Variants in EML4 observed in about 807,000 individuals in gnomAD.
EML4 encodes the protein EMAP like 4, also known as echinoderm microtubule-associated protein-like 4.
A neutral mutation model predicts 129.0 loss-of-function variants in EML4; 72 were observed. The ratio of observed to expected loss-of-function variants is 0.56; its 90% CI spans 0.46 to 0.68. The LOEUF is 0.68. EML4 is among the 30% of genes least tolerant of loss of function. The probability of loss-of-function intolerance (pLI) is 0.00; values close to 1 mark genes in which losing one functional copy is unlikely to be tolerated. For synonymous variants in EML4, 532 were observed against 405.0 expected, an observed-to-expected ratio of 1.31 and a Z score of -3.77; for missense variants, 1,363 against 1,190.6, an observed-to-expected ratio of 1.14 and a Z score of -2.13.
intron 1 of EML4, among the ~76,000 whole-genome samples, chr2:42,193,894 T>A (rs1334103857): frequency 6.6e-6 from 1 of 152,104 alleles, no homozygotes; most frequent in South Asian, 2.1e-4. Context: ...CTATGTTGCC[T>A]GTACTGTCTG....
chr2:42,304,269 C>G (rs1668467553), intron 16 of EML4, among the ~76,000 whole-genome samples: 1 of 152,204 alleles, frequency 6.6e-6, no homozygotes, highest in African/African-American at 2.4e-5. Flanking sequence ...TAGCCACAAG[C>G]TGGTTGTCCC....
intron 1 of EML4, among the ~76,000 whole-genome samples, chr2:42,234,308 C>G (rs1179097497): frequency 6.6e-5 from 10 of 152,200 alleles, no homozygotes; most frequent in Non-Finnish European, 1.5e-5. Flanking sequence ...ATCTAGAGAG[C>G]TGAGATTTGC....
At chr2:42,193,522 A>G (rs1411008221) in intron 1 of EML4, among the ~76,000 whole-genome samples, 1 of 152,240 alleles carries the variant, frequency 6.6e-6, no homozygotes, top group Non-Finnish European at 1.5e-5. Flanking sequence ...TCTTAGGGCC[A>G]AACCCAATCT....
intron 5 of EML4, among the ~76,000 whole-genome samples, chr2:42,264,118 T>TTG (rs1171678993): frequency 3.0e-5 from 4 of 135,422 alleles, no homozygotes; most frequent in East Asian, 2.1e-4. Context: ...TTTTTTTTTT[T>TTG]TTTTTTTTTT....
intron 6 of EML4, among the ~76,000 whole-genome samples, chr2:42,273,648 A>G (rs1471979750): frequency 6.6e-6 from 1 of 151,660 alleles, no homozygotes; most frequent in East Asian, 2.0e-4. Context: ...AATAGAAGAA[A>G]AAAATTAAAG....
chr2:42,239,533 T>G (rs1227974501), intron 1 of EML4, among the ~76,000 whole-genome samples: 2 of 152,236 alleles, frequency 1.3e-5, no homozygotes, highest in Non-Finnish European at 2.9e-5. Flanking sequence ...GGTAAATAGA[T>G]CAGACTGATA....
At chr2:42,293,495 A>C (rs1667769942) in intron 11 of EML4, among the ~76,000 whole-genome samples, 1 of 152,220 alleles carries the variant, frequency 6.6e-6, no homozygotes, top group Non-Finnish European at 1.5e-5. Flanking sequence ...ACTCATGGAA[A>C]TATTGGAACT....
In EML4 at chr2:42,202,496, A is replaced by G. The variant is rs1178019079; in HGVS notation, c.25+32860A>G. Among the ~76,000 whole-genome samples the G allele has an allele frequency of 7.2e-5, 11 of 152,232 alleles. No homozygotes were observed. The East Asian group carries it at 1.9e-3, about 27-fold the overall frequency. On this transcript the variant is annotated intron_variant, in intron 1 of 22. Coordinates refer to ENST00000318522, the MANE Select transcript of EML4 (RefSeq NM_019063.5). Reference sequence around the variant, plus strand: ...AAAGGGAGTTTATTAAGGAATATTGACTCACATGATCACAAAGTGAGGTTT... The same window carrying G: ...AAAGGGAGTTTATTAAGGAATATTGGCTCACATGATCACAAAGTGAGGTTT...
chr2:42,213,583 A>G (rs549660998), intron 1 of EML4, among the ~76,000 whole-genome samples: 3 of 152,350 alleles, frequency 2.0e-5, no homozygotes, highest in African/African-American at 4.8e-5. Context: ...TACTATTTAC[A>G]TAAGCATTCA....
intron 1 of EML4, among the ~76,000 whole-genome samples, chr2:42,183,266 A>G (rs1671051392): frequency 6.6e-6 from 1 of 152,222 alleles, no homozygotes; most frequent in Admixed American, 6.5e-5. Context: ...CAAAACAAAA[A>G]TCCCTGCTCT....
chr2:42,327,835 T>G (rs1195011158), intron 21 of EML4, among the ~76,000 whole-genome samples: 1 of 152,224 alleles, frequency 6.6e-6, no homozygotes, highest in Non-Finnish European at 1.5e-5. Flanking sequence ...AAATTAATAT[T>G]TTCTCTTTAA....
chr2:42,264,610 C>T (rs1002488053), intron 5 of EML4, 96 bp from the exon 6 acceptor site: 2 of 743,392 alleles, frequency 2.7e-6, no homozygotes, highest in African/African-American at 1.8e-5. Flanking sequence ...TAGATTATAG[C>T]CTAAGCATTA....
rs1473564046 is a variant in EML4 at position 42,304,369 on chromosome 2, A to G, written c.1900-115A>G. The G allele has an allele frequency of 5.4e-6, 4 of 741,388 alleles. No individual in the cohort carries two copies. In the East Asian group the frequency reaches 1.0e-4, roughly 18 times the overall value. The allele number at this position is 741,388 out of a possible 1,614,324, so 45.9% of individuals were successfully genotyped here. On this transcript the variant is annotated intron_variant, in intron 16 of 22. Coordinates refer to ENST00000318522, the MANE Select transcript of EML4 (RefSeq NM_019063.5). The stretch of plus-strand genomic sequence containing the variant: ...GTGTGGTATTTCTCATTAGCTACAA[A>G]GTTGATTGAAATGTTATGTTTGAAT...
At chr2:42,234,146 C>G (rs1398815547) in intron 1 of EML4, among the ~76,000 whole-genome samples, 2 of 152,190 alleles carry the variant, frequency 1.3e-5, no homozygotes, top group African/African-American at 2.4e-5. Flanking sequence ...AGTTTGTCCC[C>G]TTTTATAAAA....
rs1670001678 is a variant in EML4, at chr2:42,329,808, G to C, written c.2547G>C (p.Leu849=). 3 of 1,614,100 alleles carry C rather than the reference G, an allele frequency of 1.9e-6. No homozygotes were observed. Among genetic ancestry groups the C allele is most frequent in the Non-Finnish European group, 2.5e-6 (3 of 1,180,028 alleles). Reference sequence around the variant, plus strand: ...GTTTTACTCACAATGACAGTCACCTGATATCAACTGGTGGAAAAGACATGA... The same window carrying C: ...GTTTTACTCACAATGACAGTCACCTCATATCAACTGGTGGAAAAGACATGA... The part of the protein sequence containing the change: ...NVSFTHNDSH[L]ISTGGKDMSI... The change falls in exon 23 of 23, where the codon CTG becomes CTC. Residue 849 remains leucine (L), a synonymous_variant. Transcript: ENST00000318522.
intron 1 of EML4, among the ~76,000 whole-genome samples, chr2:42,176,994 T>C (rs1402995656): frequency 6.6e-6 from 1 of 152,086 alleles, no homozygotes; most frequent in East Asian, 1.9e-4. Flanking sequence ...GGTTTCACCA[T>C]GTTGGCCAGG....
At chr2:42,293,889 G>T (rs1163196828) in intron 11 of EML4, among the ~76,000 whole-genome samples, 2 of 152,216 alleles carry the variant, frequency 1.3e-5, no homozygotes, top group Non-Finnish European at 2.9e-5. Context: ...GATTACAGGC[G>T]TGAGCCACCA....
chr2:42,328,318 A>G (rs1669920733), intron 21 of EML4, among the ~76,000 whole-genome samples: 1 of 152,226 alleles, frequency 6.6e-6, no homozygotes, highest in Non-Finnish European at 1.5e-5. Context: ...AATGATTCAG[A>G]ATAATTAAAT....
chr2:42,174,670 A>G (rs930647272), intron 1 of EML4, among the ~76,000 whole-genome samples: 1 of 152,144 alleles, frequency 6.6e-6, no homozygotes, highest in Non-Finnish European at 1.5e-5. Context: ...TTAATTTTGC[A>G]TGCTGTATAT....
Sources: allele counts gnomAD v4.1 joint callset (sites outside exome capture counted in the v4.1 genomes callset), GRCh38; gene constraint gnomAD v4.1.1; transcripts MANE v1.5; gene names NCBI Gene and HGNC (gene_info 2026-07-23, HGNC 2026-07-21).